MTUS2: variants seen among roughly 807,000 people sequenced by gnomAD.
MTUS2 encodes microtubule-associated tumor suppressor candidate 2.
MTUS2 carries 40 observed loss-of-function variants against 114.1 expected under a neutral mutation model. That is an observed-to-expected ratio of 0.35 (90% CI 0.27 to 0.46). The LOEUF is 0.46. Among genes scored for constraint, MTUS2 ranks in the 20% least tolerant of loss-of-function variants. MTUS2 has a pLI of 1.00. For missense variants in MTUS2, 1,679 were observed against 1,705.4 expected (o/e 0.98, Z 0.27); for synonymous variants, 688 against 672.0 (o/e 1.02, Z -0.37).
At chr13:29,486,022 T>A in intron 10 of MTUS2, among the ~76,000 whole-genome samples, 1 of 152,364 alleles carries the variant, frequency 6.6e-6, no homozygotes, top group Admixed American at 6.5e-5. Flanking sequence ...TTTCCTTTTT[T>A]AAACCAGTGA....
At chr13:29,471,650 T>G (rs1202479940) in intron 9 of MTUS2, among the ~76,000 whole-genome samples, 1 of 151,874 alleles carries the variant, frequency 6.6e-6, no homozygotes, top group African/African-American at 2.4e-5. Context: ...CTCCCACTAT[T>G]ACCACACGGG....
chr13:28,845,478 A>G (rs887302077), intron 2 of MTUS2, among the ~76,000 whole-genome samples: 2 of 152,214 alleles, frequency 1.3e-5, no homozygotes, highest in African/African-American at 4.8e-5. Flanking sequence ...AAAGGAAAAC[A>G]AATTTACCTA....
chr13:29,321,319 A>T (rs1900244845), intron 6 of MTUS2, among the ~76,000 whole-genome samples: 1 of 152,220 alleles, frequency 6.6e-6, no homozygotes, highest in Admixed American at 6.5e-5. Context: ...GGAAAACATG[A>T]GACCAAAGAC....
chr13:29,318,488 T>C (rs914335894), intron 6 of MTUS2, among the ~76,000 whole-genome samples: 6 of 150,584 alleles, frequency 4.0e-5, no homozygotes, highest in African/African-American at 1.5e-4. Flanking sequence ...AAGCAGTTAG[T>C]GACTTTCTGG....
At chr13:29,302,741 G>A (rs903788989) in intron 6 of MTUS2, among the ~76,000 whole-genome samples, 7 of 152,240 alleles carry the variant, frequency 4.6e-5, no homozygotes, top group Non-Finnish European at 7.3e-5. Flanking sequence ...CTTTGGAGAA[G>A]ACAGGCGGTC....
At chr13:29,306,899 A>G (rs550938848) in intron 6 of MTUS2, 6 of 519,306 alleles carry the variant, frequency 1.2e-5, no homozygotes, top group African/African-American at 5.8e-5. Context: ...ATTGACCTCA[A>G]CTACATGGTC....
At chr13:29,492,360 G>A (rs536677388) in intron 11 of MTUS2, among the ~76,000 whole-genome samples, 3 of 151,860 alleles carry the variant, frequency 2.0e-5, no homozygotes, top group East Asian at 3.9e-4. Context: ...TGTGATGTTT[G>A]CGTGTGTGTG....
chr13:28,906,408 C>G (rs1231507393), intron 2 of MTUS2, among the ~76,000 whole-genome samples: 2 of 151,026 alleles, frequency 1.3e-5, no homozygotes, highest in Non-Finnish European at 2.9e-5. Flanking sequence ...ATAAATTTCC[C>G]TCTACACACT....
At chr13:29,408,352 G>A (rs1329829168) in intron 8 of MTUS2, among the ~76,000 whole-genome samples, 2 of 152,134 alleles carry the variant, frequency 1.3e-5, no homozygotes, top group African/African-American at 4.8e-5. Context: ...GTCTTGCTGA[G>A]TTGCACAGGC....
chr13:29,124,046 A>G (rs1891419060), intron 5 of MTUS2, among the ~76,000 whole-genome samples: 1 of 152,240 alleles, frequency 6.6e-6, no homozygotes, highest in African/African-American at 2.4e-5. Context: ...TTAATAAGGT[A>G]AACACATTAG....
At chr13:29,044,069 G>A (rs1311590653) in intron 4 of MTUS2, among the ~76,000 whole-genome samples, 2 of 151,752 alleles carry the variant, frequency 1.3e-5, no homozygotes, top group Admixed American at 1.3e-4. Flanking sequence ...TTATTTCTTT[G>A]TGCAGATCCT....
chr13:29,329,304 C>G (rs977620697), intron 7 of MTUS2, among the ~76,000 whole-genome samples: 1 of 151,656 alleles, frequency 6.6e-6, no homozygotes, highest in Admixed American at 6.6e-5. Flanking sequence ...CTGACAGGCC[C>G]GGGCTTGTGA....
chr13:29,125,102 C>T (rs956103794), intron 5 of MTUS2, among the ~76,000 whole-genome samples: 3 of 152,148 alleles, frequency 2.0e-5, no homozygotes, highest in African/African-American at 7.2e-5. Flanking sequence ...AATTTTACCA[C>T]AGTTAGAAAA....
chr13:29,190,145 C>A (rs1894388155), intron 5 of MTUS2, among the ~76,000 whole-genome samples: 1 of 152,206 alleles, frequency 6.6e-6, no homozygotes, highest in Non-Finnish European at 1.5e-5. Context: ...ATTGTTTAAA[C>A]AACTCAGTCT....
At chr13:28,915,441 A>G (rs1019099523) in intron 2 of MTUS2, among the ~76,000 whole-genome samples, 1 of 151,964 alleles carries the variant, frequency 6.6e-6, no homozygotes, top group Non-Finnish European at 1.5e-5. Context: ...TCTTTGCTCC[A>G]TATCCTCACT....
chr13:29,108,550 T>C (rs1890760741), intron 5 of MTUS2, among the ~76,000 whole-genome samples: 1 of 152,200 alleles, frequency 6.6e-6, no homozygotes, highest in East Asian at 1.9e-4. Context: ...TTCAGCATAT[T>C]CTATGTGGTA....
chr13:29,195,322 G>A (rs1894641227), intron 5 of MTUS2, among the ~76,000 whole-genome samples: 1 of 151,712 alleles, frequency 6.6e-6, no homozygotes, highest in African/African-American at 2.4e-5. Context: ...TTATCAAGAA[G>A]AAAATAAAAA....
At chr13:29,441,895 T>A (rs1225962104) in intron 9 of MTUS2, among the ~76,000 whole-genome samples, 1 of 152,144 alleles carries the variant, frequency 6.6e-6, no homozygotes, top group Non-Finnish European at 1.5e-5. Context: ...CAAAAAGGAT[T>A]TTTTTTAATC....
chr13:29,275,046 T>G (rs185556645), intron 5 of MTUS2, among the ~76,000 whole-genome samples: 11 of 152,324 alleles, frequency 7.2e-5, no homozygotes, highest in Admixed American at 6.5e-4. Flanking sequence ...TAAAAATTCT[T>G]TATATATTTT....
Sources: allele counts gnomAD v4.1 joint callset (sites outside exome capture counted in the v4.1 genomes callset), GRCh38; gene constraint gnomAD v4.1.1; transcripts MANE v1.5; gene names NCBI Gene and HGNC (gene_info 2026-07-23, HGNC 2026-07-21).